The following CFI variants were observed in gnomAD, a reference collection of about 807,000 sequenced individuals.
The protein encoded by CFI is complement factor I.
Under a neutral mutation model 78.8 loss-of-function variants are expected in CFI, and 66 were observed. The ratio of observed to expected loss-of-function variants is 0.84; its 90% CI spans 0.69 to 1.03. CFI has a LOEUF of 1.03. CFI is among the 50% of genes least tolerant of loss of function. The pLI is 0.00. For missense variants in CFI, 706 were observed against 704.5 expected (o/e 1.00, Z -0.02); for synonymous variants, 250 against 232.6 (o/e 1.07, Z -0.68).
chr4:109,735,056 A>G, the CFI span, among the ~76,000 whole-genome samples: 1 of 152,060 alleles, frequency 6.6e-6, no homozygotes, highest in African/African-American at 2.4e-5. Context: ...GGCTTAAGCA[A>G]TCCTCCTACT....
chr4:109,735,485 A>G, the CFI span, among the ~76,000 whole-genome samples: 2 of 152,218 alleles, frequency 1.3e-5, no homozygotes, highest in African/African-American at 2.4e-5. Flanking sequence ...GTTATTTTAA[A>G]TAACAAAAAT....
intron 1 of CFI, among the ~76,000 whole-genome samples, chr4:109,785,513 C>A (rs1449352829): frequency 6.6e-6 from 1 of 151,916 alleles, no homozygotes; most frequent in Non-Finnish European, 1.5e-5. Flanking sequence ...TTTTGCTCCC[C>A]ACCCACACTT....
rs766961862 is a variant in CFI, at chr4:109,752,549, G to T, written c.905-46C>A. 2.6e-5 allele frequency: 39 copies of T among 1,499,706 alleles called. No individual in the cohort carries two copies. In the Middle Eastern group the frequency reaches 5.5e-3, roughly 211 times the overall value. 92.9% of individuals were successfully genotyped at this position (1,499,706 alleles called of 1,614,324 possible). On this transcript the variant is annotated intron_variant, in intron 7 of 12. Coordinates refer to ENST00000394634, the MANE Select transcript of CFI (RefSeq NM_000204.5). ...CCAATGTTTAAAGTTGTTAATTATA[G>T]TCAAAATGAAATCATTAAAATCATT...
At chr4:109,794,285 T>G (rs767884320) in intron 1 of CFI, 53 of 152,304 alleles carry the variant, frequency 3.5e-4, no homozygotes, top group East Asian at 1.9e-4. Context: ...TGCTTTATGG[T>G]GTCACACGAG....
intron 1 of CFI, among the ~76,000 whole-genome samples, chr4:109,781,205 G>T (rs1729980722): frequency 1.3e-5 from 2 of 151,936 alleles, no homozygotes; most frequent in South Asian, 4.2e-4. Flanking sequence ...AAAAGTTAAA[G>T]ATAAATGAAA....
chr4:109,756,909 G>GAAAGAAAGAAAGAAA (rs1334715767), intron 7 of CFI, among the ~76,000 whole-genome samples: 25 of 77,216 alleles, frequency 3.2e-4, no homozygotes, highest in African/African-American at 1.2e-3. Flanking sequence ...AAGAAAGAAA[G>GAAAGAAAGAAAGAAA]AAAGAAAGAA....
intron 1 of CFI, among the ~76,000 whole-genome samples, chr4:109,795,804 T>C (rs1299644897): frequency 1.3e-5 from 2 of 152,122 alleles, no homozygotes. Context: ...TATTTGAAAT[T>C]ATATGGTCAG....
At chr4:109,796,950 T>C (rs1390687391) in intron 1 of CFI, among the ~76,000 whole-genome samples, 1 of 152,188 alleles carries the variant, frequency 6.6e-6, no homozygotes, top group Non-Finnish European at 1.5e-5. Flanking sequence ...GCAAGACAAC[T>C]CACATTCCTT....
chr4:109,793,788 G>A (rs1305200961), intron 1 of CFI: 1 of 152,286 alleles, frequency 6.6e-6, no homozygotes, highest in South Asian at 2.1e-4. Flanking sequence ...TTCCCCTAAA[G>A]TGCTGGGATT....
intron 8 of CFI, 94 bp downstream of exon 8, chr4:109,752,374 C>T: frequency 1.8e-6 from 2 of 1,082,832 alleles, no homozygotes. Context: ...ACCAAAACTA[C>T]TTGTTGCTTG....
intron 10 of CFI, among the ~76,000 whole-genome samples, 161 bp from the exon 11 acceptor site, chr4:109,746,663 G>A (rs140437088): frequency 2.0e-5 from 3 of 152,078 alleles, no homozygotes; most frequent in Admixed American, 2.0e-4. Flanking sequence ...AATTTACTTA[G>A]TGCAGAATTA....
chr4:109,781,086 T>C (rs1487379940), intron 1 of CFI, among the ~76,000 whole-genome samples: 1 of 152,152 alleles, frequency 6.6e-6, no homozygotes, highest in Non-Finnish European at 1.5e-5. Flanking sequence ...ACATGGCACA[T>C]GTATACATAT....
intron 11 of CFI, among the ~76,000 whole-genome samples, chr4:109,743,378 C>T (rs1291986982): frequency 2.0e-5 from 3 of 152,192 alleles, no homozygotes; most frequent in African/African-American, 7.2e-5. Flanking sequence ...TGCCTTGGCA[C>T]TCTTGTAAGC....
intron 8 of CFI, among the ~76,000 whole-genome samples, chr4:109,752,101 A>C (rs1261003312): frequency 6.6e-6 from 1 of 152,182 alleles, no homozygotes; most frequent in Non-Finnish European, 1.5e-5. Flanking sequence ...AATTCAATTA[A>C]CATCTATTAT....
chr4:109,798,323 G>T (rs916705598), intron 1 of CFI, among the ~76,000 whole-genome samples: 3 of 152,116 alleles, frequency 2.0e-5, no homozygotes, highest in Non-Finnish European at 2.9e-5. Flanking sequence ...GTTAAGAGTT[G>T]TTACATGCAC....
chr4:109,798,599 A>T lies in CFI; in HGVS notation c.57+3316T>A, dbSNP rs149212007. On this transcript the variant is annotated intron_variant, in intron 1 of 12. Coordinates refer to ENST00000394634, the MANE Select transcript of CFI (RefSeq NM_000204.5). ...AACAGATTATGTTCATTTCTTCTGTAAATGGTCCATACTTTCTCATATCTT... is the reference window on the plus strand; with the variant it reads ...AACAGATTATGTTCATTTCTTCTGTTAATGGTCCATACTTTCTCATATCTT... Among the ~76,000 whole-genome samples the T allele has an allele frequency of 3.9e-3, 596 of 152,002 alleles. 7 individuals carry two copies. Among genetic ancestry groups the T allele is most frequent in the African/African-American group, 0.014 (566 of 41,470 alleles).
intron 10 of CFI, among the ~76,000 whole-genome samples, chr4:109,747,579 T>C (rs1389391230): frequency 6.6e-6 from 1 of 152,186 alleles, no homozygotes; most frequent in African/African-American, 2.4e-5. Context: ...TGATTAGAAG[T>C]AGGGTGCTAA....
chr4:109,732,974 A>G, the CFI span, among the ~76,000 whole-genome samples: 2 of 142,954 alleles, frequency 1.4e-5, no homozygotes, highest in African/African-American at 4.9e-5. Context: ...GATTTACCAT[A>G]TCATATAAAT....
the CFI span, among the ~76,000 whole-genome samples, chr4:109,732,543 C>A: frequency 6.6e-6 from 1 of 152,120 alleles, no homozygotes; most frequent in Non-Finnish European, 1.5e-5. Flanking sequence ...AATACAGAGC[C>A]CCTTGCTCAA....
Sources: allele counts gnomAD v4.1 joint callset (sites outside exome capture counted in the v4.1 genomes callset), GRCh38; gene constraint gnomAD v4.1.1; transcripts MANE v1.5; gene names NCBI Gene and HGNC (gene_info 2026-07-23, HGNC 2026-07-21).